IFT80: variants seen among roughly 807,000 people sequenced by gnomAD.
The protein encoded by IFT80 is intraflagellar transport protein 80 homolog.
A neutral mutation model predicts 107.9 loss-of-function variants in IFT80; 79 were observed. The observed-to-expected ratio is 0.73, with a 90% CI of 0.61 to 0.88. IFT80 has a LOEUF of 0.88. IFT80 is among the 40% of genes least tolerant of loss of function. The pLI, the probability that IFT80 is intolerant of heterozygous loss-of-function variation, is 0.00. For missense variants in IFT80, 797 were observed against 914.2 expected (o/e 0.87, Z 1.65); for synonymous variants, 299 against 300.9 (o/e 0.99, Z 0.07).
chr3:160,378,271 T>C (rs1329227673), intron 3 of IFT80, among the ~76,000 whole-genome samples: 1 of 151,966 alleles, frequency 6.6e-6, no homozygotes, highest in Admixed American at 6.6e-5. Flanking sequence ...ACTGCAAAAT[T>C]GTGCTTAAAT....
At chr3:160,353,023 T>C (rs1720825712) in intron 8 of IFT80, among the ~76,000 whole-genome samples, 1 of 152,186 alleles carries the variant, frequency 6.6e-6, no homozygotes, top group Admixed American at 6.5e-5. Flanking sequence ...ATAAGGTAAC[T>C]ATCTAAAATT....
intron 12 of IFT80, among the ~76,000 whole-genome samples, chr3:160,293,220 G>A (rs1324071627): frequency 6.6e-6 from 1 of 152,202 alleles, no homozygotes; most frequent in African/African-American, 2.4e-5. Flanking sequence ...ATATATTGCT[G>A]AGACCTCTCC....
At chr3:160,260,890 T>A (rs1457852692) in intron 19 of IFT80, among the ~76,000 whole-genome samples, 2 of 152,198 alleles carry the variant, frequency 1.3e-5, no homozygotes, top group South Asian at 2.1e-4. Context: ...GCTTCCTACT[T>A]TACAGAGAAT....
rs75672329 is a variant in IFT80, at chr3:160,330,530, A to G, written c.778-10591T>C. Among the ~76,000 whole-genome samples the G allele has an allele frequency of 3.0e-3, 457 of 152,324 alleles. 3 individuals are homozygous for G. Among genetic ancestry groups the G allele is most frequent in the African/African-American group, 0.011 (438 of 41,572 alleles). On this transcript the variant is annotated intron_variant, in intron 8 of 19. Transcript: ENST00000326448. ...ATTTCAAACATAAACTTAAGTAGGA[A>G]TAATAATACAAAGCAGTGGTTTTCA... is the stretch of plus-strand genomic sequence containing the variant.
In IFT80 at chr3:160,289,238, A is replaced by G. The variant is rs116217966; in HGVS notation, c.1316-3370T>C. 6.0e-3 allele frequency among the ~76,000 whole-genome samples: 912 copies of G among 152,326 alleles called. 9 individuals carry two copies. The highest frequency in any genetic ancestry group is 0.021 in the African/African-American group (887 of 41,568). ...AACCAATTACCACATGTTCACACTT[A>G]TAAGTGGGAGCTAAATAATGAGAAC... On this transcript the variant is annotated intron_variant, in intron 12 of 19. Coordinates refer to ENST00000326448, the MANE Select transcript of IFT80 (RefSeq NM_020800.3).
intron 1 of IFT80, among the ~76,000 whole-genome samples, chr3:160,387,066 T>C (rs1712989684): frequency 6.6e-6 from 1 of 152,008 alleles, no homozygotes; most frequent in African/African-American, 2.4e-5. Flanking sequence ...GTAAGACCAG[T>C]TAGGATTTCA....
chr3:160,309,716 G>A (rs541525599), intron 9 of IFT80, among the ~76,000 whole-genome samples: 77 of 151,764 alleles, frequency 5.1e-4, no homozygotes, highest in African/African-American at 1.6e-3. Context: ...GCAGAACAGC[G>A]TGTATAGTAT....
intron 9 of IFT80, 41 bp from the exon 10 acceptor site, chr3:160,307,822 T>C (rs944743120): frequency 4.9e-6 from 5 of 1,017,586 alleles, no homozygotes; most frequent in Non-Finnish European, 7.8e-6. Context: ...CATTATAACA[T>C]ATCCAAATTT....
intron 1 of IFT80, among the ~76,000 whole-genome samples, chr3:160,387,535 A>C (rs1265904589): frequency 2.0e-5 from 3 of 152,170 alleles, no homozygotes; most frequent in African/African-American, 4.8e-5. Flanking sequence ...GTAGTAAAAA[A>C]TGACTGTAAA....
intron 8 of IFT80, among the ~76,000 whole-genome samples, chr3:160,336,579 C>T (rs1200047618): frequency 6.6e-6 from 1 of 151,600 alleles, no homozygotes; most frequent in Non-Finnish European, 1.5e-5. Flanking sequence ...CATCTTTCTT[C>T]AACATGTGTG....
rs753478409 is a variant in IFT80, at chr3:160,319,779, G to A, written c.938C>T (p.Thr313Met). The change falls in exon 9 of 20, where the codon ACG (threonine) becomes ATG (methionine). Residue 313 changes from threonine to methionine, a missense_variant. Transcript: ENST00000326448. ...WEWKNFQVTLTKRRAMQVRNV... is the reference protein window; with the variant it reads ...WEWKNFQVTLMKRRAMQVRNV... The stretch of plus-strand genomic sequence containing the variant: ...TAATACCTGCATGGCTCTTCTTTTC[G>A]TTAATGTTACTTGAAAATTTTTCCA... 1.4e-5 allele frequency: 23 copies of A among 1,612,556 alleles called. No homozygotes were observed. Among genetic ancestry groups the A allele is most frequent in the East Asian group, 4.5e-5 (2 of 44,864 alleles).
chr3:160,308,570 T>C (rs1464307610), intron 9 of IFT80, among the ~76,000 whole-genome samples: 6 of 152,046 alleles, frequency 3.9e-5, no homozygotes, highest in Non-Finnish European at 8.8e-5. Context: ...AGGAAAAATA[T>C]AGGGGAAAAA....
intron 6 of IFT80, among the ~76,000 whole-genome samples, chr3:160,357,894 A>G (rs1300786116): frequency 6.6e-6 from 1 of 152,252 alleles, no homozygotes; most frequent in African/African-American, 2.4e-5. Context: ...ATAACACTGA[A>G]TGAATATGTT....
intron 18 of IFT80, among the ~76,000 whole-genome samples, chr3:160,275,718 T>G (rs1421434091): frequency 6.6e-6 from 1 of 152,148 alleles, no homozygotes; most frequent in Admixed American, 6.6e-5. Flanking sequence ...CAACATATTT[T>G]TTCAAAAACA....
At chr3:160,311,776 T>C (rs1252475376) in intron 9 of IFT80, among the ~76,000 whole-genome samples, 2 of 152,082 alleles carry the variant, frequency 1.3e-5, no homozygotes, top group Non-Finnish European at 1.5e-5. Context: ...TCAGGTGTTG[T>C]TTTTTGTTTG....
At chr3:160,286,481 A>T (rs1715102482) in intron 12 of IFT80, among the ~76,000 whole-genome samples, 1 of 152,220 alleles carries the variant, frequency 6.6e-6, no homozygotes, top group African/African-American at 2.4e-5. Context: ...GGCCTGGAAC[A>T]GTCTGTTGGG....
At chr3:160,279,050 T>C (rs1172767568) in intron 16 of IFT80, 143 bp downstream of exon 16, 2 of 653,692 alleles carry the variant, frequency 3.1e-6, no homozygotes, top group East Asian at 2.7e-5. Context: ...TTCCTCTGTA[T>C]TGCCCATGTC....
intron 2 of IFT80, chr3:160,383,502 TTTC>T: frequency 1.1e-6 from 1 of 881,354 alleles, no homozygotes; most frequent in Non-Finnish European, 1.4e-6. Flanking sequence ...GGACCAGATT[TTTC>T]TTTATTTCGA....
intron 18 of IFT80, among the ~76,000 whole-genome samples, chr3:160,276,978 G>A (rs1038860844): frequency 3.3e-5 from 5 of 152,014 alleles, no homozygotes; most frequent in African/African-American, 1.2e-4. Context: ...AACTTTTTGC[G>A]AGTATTTCAA....
Sources: allele counts gnomAD v4.1 joint callset (sites outside exome capture counted in the v4.1 genomes callset), GRCh38; gene constraint gnomAD v4.1.1; transcripts MANE v1.5; gene names NCBI Gene and HGNC (gene_info 2026-07-23, HGNC 2026-07-21).